FER1L6: variants seen among roughly 807,000 people sequenced by gnomAD.
The protein encoded by FER1L6 is fer-1 like family member 6.
Under a neutral mutation model 219.2 loss-of-function variants are expected in FER1L6, and 177 were observed. The observed-to-expected ratio is 0.81, with a 90% CI of 0.71 to 0.91. The LOEUF (loss-of-function observed/expected upper bound fraction) is 0.91, where lower values mean the gene tolerates loss of function less well. FER1L6 is among the 40% of genes least tolerant of loss of function. The probability of loss-of-function intolerance (pLI) is 0.00; values close to 1 mark genes in which losing one functional copy is unlikely to be tolerated. For synonymous variants in FER1L6, 768 were observed against 824.3 expected (o/e 0.93, Z 1.17); for missense variants, 2,153 against 2,259.9 (o/e 0.95, Z 0.96).
At chr8:123,980,328 C>T (rs138227457) in intron 10 of FER1L6, 137 bp from the exon 11 acceptor site, 8,382 of 698,614 alleles carry the variant, frequency 0.012, 87 homozygotes, top group Non-Finnish European at 0.017. Context: ...AGATGGCAAT[C>T]GTTGTCTTTT....
intron 31 of FER1L6, among the ~76,000 whole-genome samples, chr8:124,075,559 A>T (rs1821247956): frequency 6.6e-6 from 1 of 152,222 alleles, no homozygotes; most frequent in Admixed American, 6.5e-5. Context: ...CACTCTAAAG[A>T]CTAAAAAGTA....
chr8:123,870,502 A>C (rs1158476295), intron 1 of FER1L6, among the ~76,000 whole-genome samples: 1 of 152,252 alleles, frequency 6.6e-6, no homozygotes, highest in Non-Finnish European at 1.5e-5. Context: ...GTTAAGCTAC[A>C]CAAAGAAATG....
intron 39 of FER1L6, among the ~76,000 whole-genome samples, chr8:124,113,994 G>A (rs1823126469): frequency 6.6e-6 from 1 of 152,100 alleles, no homozygotes; most frequent in South Asian, 2.1e-4. Context: ...TGGTGGTGTG[G>A]GGAATTCCTG....
rs754375476 is a variant in FER1L6 at position 124,097,894 on chromosome 8, C to T, written c.4883+11C>T. On this transcript the variant is annotated intron_variant, in intron 37 of 40. Transcript: ENST00000522917. Reference sequence around the variant, plus strand: ...TATTTATGTGAAAGGGTAAGGTTATCAACAAACTCCAACCTCCCATTTCCT... The same window carrying T: ...TATTTATGTGAAAGGGTAAGGTTATTAACAAACTCCAACCTCCCATTTCCT... The T allele has an allele frequency of 1.5e-6, 2 of 1,317,186 alleles. No homozygotes were observed. The highest frequency in any genetic ancestry group is 2.9e-5 in the African/African-American group (2 of 68,982). The allele number at this position is 1,317,186 out of a possible 1,614,324, so 81.6% of individuals were successfully genotyped here.
rs567914036 is a variant in FER1L6, at chr8:123,865,417, G to C, written c.-8+13232G>C. Among the ~76,000 whole-genome samples, 36 of 150,912 alleles carry C rather than the reference G, an allele frequency of 2.4e-4. 1 individual carries two copies. In the South Asian group the frequency reaches 7.3e-3, roughly 30 times the overall value. ...GACAGGGACATTTAAGTCTGCAGAG[G>C]TTACTGCTGTCTTTTTGTTTGTCTG... On this transcript the variant is annotated intron_variant, in intron 1 of 40. Coordinates refer to ENST00000522917, the MANE Select transcript of FER1L6 (RefSeq NM_001039112.2).
chr8:123,940,143 T>G (rs1381995546), intron 1 of FER1L6, among the ~76,000 whole-genome samples: 2 of 152,174 alleles, frequency 1.3e-5, no homozygotes, highest in African/African-American at 4.8e-5. Context: ...TTGTGAGTTC[T>G]CCAAGGAAAC....
intron 28 of FER1L6, among the ~76,000 whole-genome samples, chr8:124,068,989 T>C (rs993155196): frequency 6.7e-6 from 1 of 149,728 alleles, no homozygotes; most frequent in Non-Finnish European, 1.5e-5. Context: ...CAGGCTGGAG[T>C]GCAGTGGTGC....
chr8:124,062,601 G>A (rs1820636204), intron 25 of FER1L6, among the ~76,000 whole-genome samples: 1 of 152,080 alleles, frequency 6.6e-6, no homozygotes, highest in African/African-American at 2.4e-5. Context: ...TATCCATATT[G>A]CTGTGTGTAC....
chr8:124,103,089 G>A, intron 38 of FER1L6, 57 bp from the exon 39 acceptor site: 1 of 1,471,612 alleles, frequency 6.8e-7, no homozygotes, highest in South Asian at 1.2e-5. Context: ...TGATTGAGAA[G>A]CTCTTCTGTT....
At chr8:123,932,774 A>G (rs900196240) in intron 1 of FER1L6, among the ~76,000 whole-genome samples, 3 of 152,206 alleles carry the variant, frequency 2.0e-5, no homozygotes, top group Non-Finnish European at 2.9e-5. Flanking sequence ...TTCATTGAGC[A>G]CCTGCATTTG....
intron 1 of FER1L6, among the ~76,000 whole-genome samples, chr8:123,910,848 G>A (rs181335471): frequency 3.4e-4 from 52 of 152,226 alleles, no homozygotes; most frequent in Admixed American, 1.3e-3. Flanking sequence ...ACTAGTCAAG[G>A]CAATGACAGG....
At chr8:124,016,250 A>G (rs1053247797) in intron 15 of FER1L6, among the ~76,000 whole-genome samples, 5 of 152,222 alleles carry the variant, frequency 3.3e-5, no homozygotes, top group African/African-American at 1.2e-4. Flanking sequence ...TCCTCAAAAT[A>G]TAATCCTTTT....
chr8:124,103,070 T>C (rs1822612075), intron 38 of FER1L6, 76 bp from the exon 39 acceptor site: 1 of 1,281,946 alleles, frequency 7.8e-7, no homozygotes, highest in Middle Eastern at 2.4e-4. Context: ...AATGAATGAA[T>C]GAGGATGGTG....
chr8:123,896,920 C>A (rs117543790), intron 1 of FER1L6, among the ~76,000 whole-genome samples: 5 of 152,126 alleles, frequency 3.3e-5, no homozygotes, highest in Admixed American at 6.5e-5. Flanking sequence ...CTCGCCGAAG[C>A]CCATCTTGGC....
In FER1L6 at chr8:124,076,295, TC is replaced by T. The variant is rs1374534096; in HGVS notation, c.4193del (p.Pro1398LeufsTer4). 6.2e-7 allele frequency: 1 copy of T among 1,613,688 alleles called. No homozygotes were observed. The highest frequency in any genetic ancestry group is 1.3e-5 in the African/African-American group (1 of 74,914). On this transcript the variant is annotated frameshift_variant, in exon 32 of 41. Transcript: ENST00000522917. LOFTEE classifies it high-confidence loss of function. ...GAAATCAAAGACCGGGATAAATACA[TC>T]CCTAAACAACTGAACCCAGTATTTG... is the stretch of plus-strand genomic sequence containing the variant. The part of the protein sequence containing the change: ...KTEIKDRDKY[I>X]PKQLNPVFGR...
At chr8:123,907,977 T>C (rs1266384995) in intron 1 of FER1L6, among the ~76,000 whole-genome samples, 2 of 152,200 alleles carry the variant, frequency 1.3e-5, no homozygotes, top group Non-Finnish European at 2.9e-5. Flanking sequence ...ATCTAAGTGA[T>C]GTATTTGTTT....
intron 12 of FER1L6, among the ~76,000 whole-genome samples, chr8:123,986,889 G>A (rs1816611083): frequency 6.6e-6 from 1 of 152,090 alleles, no homozygotes; most frequent in Non-Finnish European, 1.5e-5. Flanking sequence ...TTGTGTATCT[G>A]TATCACATTT....
At position 124,010,688 on chromosome 8, in the gene FER1L6, A is replaced by G. The variant is rs1242849706; in HGVS notation, c.1795A>G (p.Met599Val). 1.5e-5 allele frequency: 25 copies of G among 1,613,698 alleles called. No individual in the cohort carries two copies. The highest frequency in any genetic ancestry group is 2.0e-5 in the Non-Finnish European group (24 of 1,179,904). ...DQTFRLHWSN[M>V]LEKMADFLEE... is the part of the protein sequence containing the mutation. ...GACCTTCAGGCTGCACTGGTCCAACATGCTGGAGAAAATGGCAGACTTCCT... is the reference window on the plus strand; with the variant it reads ...GACCTTCAGGCTGCACTGGTCCAACGTGCTGGAGAAAATGGCAGACTTCCT... Residue 599 changes from methionine (M) to valine (V), a missense_variant, in exon 14 of 41, where the codon ATG (methionine) becomes GTG (valine). Transcript: ENST00000522917.
intron 1 of FER1L6, among the ~76,000 whole-genome samples, chr8:123,905,401 G>A (rs1812933259): frequency 6.6e-6 from 1 of 152,168 alleles, no homozygotes; most frequent in Non-Finnish European, 1.5e-5. Context: ...CCCTGCAAAG[G>A]ACATGATCTC....
Sources: gnomAD v4.1 joint callset for allele counts (sites outside exome capture counted in the v4.1 genomes callset) on GRCh38, gnomAD v4.1.1 for gene constraint, MANE v1.5 for transcripts, NCBI Gene and HGNC (gene_info 2026-07-23, HGNC 2026-07-21) for gene names.